KCP: variants seen among roughly 807,000 people sequenced by gnomAD.
KCP encodes kielin cysteine rich BMP regulator, also known as kielin/chordin-like protein.
A neutral mutation model predicts 212.7 loss-of-function variants in KCP; 194 were observed. That is an observed-to-expected ratio of 0.91 (90% CI 0.81 to 1.03). The LOEUF (loss-of-function observed/expected upper bound fraction) is 1.03, where lower values mean the gene tolerates loss of function less well. Ranked by LOEUF, KCP falls within the 50% of genes least tolerant of loss-of-function variation. The probability of loss-of-function intolerance (pLI) is 0.00; values close to 1 mark genes in which losing one functional copy is unlikely to be tolerated. For missense variants in KCP, 2,080 were observed against 2,162.5 expected, an observed-to-expected ratio of 0.96 and a Z score of 0.76; for synonymous variants, 833 against 865.3, an observed-to-expected ratio of 0.96 and a Z score of 0.65.
chr7:128,904,647 C>A (rs1411068134), intron 5 of KCP, among the ~76,000 whole-genome samples: 1 of 152,224 alleles, frequency 6.6e-6, no homozygotes, highest in Non-Finnish European at 1.5e-5. Flanking sequence ...CTTTACCTGG[C>A]AGGTGCAGAT....
At chr7:128,885,776 G>A (rs1793612884) in intron 26 of KCP, among the ~76,000 whole-genome samples, 1 of 152,158 alleles carries the variant, frequency 6.6e-6, no homozygotes, top group Non-Finnish European at 1.5e-5. Context: ...GGACGAGGGG[G>A]CAGTGGGCAG....
chr7:128,891,883 T>C, intron 16 of KCP, 64 bp from the exon 17 acceptor site: 1 of 1,259,122 alleles, frequency 7.9e-7, no homozygotes, highest in Non-Finnish European at 1.1e-6. Context: ...AGCCCTGGAG[T>C]CCAGAGCCGC....
chr7:128,908,208 A>G (rs1795228781), intron 2 of KCP, among the ~76,000 whole-genome samples: 1 of 143,732 alleles, frequency 7.0e-6, no homozygotes, highest in Non-Finnish European at 1.5e-5. Context: ...AAAGAAAAAA[A>G]AAGAAAGGAA....
chr7:128,903,743 G>A lies in KCP; in HGVS notation c.732C>T (p.Cys244=), dbSNP rs564974581. Residue 244 remains cysteine, a synonymous_variant, in exon 7 of 40, where the codon TGC becomes TGT. Coordinates refer to ENST00000610776, the MANE Select transcript of KCP (RefSeq NM_001366122.1). ...GGCTCTCACCTTGGCAGGTTGGGCA[G>A]CAGTGCCCAGGCCTCAGCACTGGCT... ...CPEPVLRPGH[C]CPTCQGCTEG... is the part of the protein sequence containing the mutation. 392 of 1,550,356 alleles carry A rather than the reference G, an allele frequency of 2.5e-4. No individual in the cohort carries two copies. In the African/African-American group the frequency reaches 4.9e-3, roughly 19 times the overall value.
chr7:128,886,691 C>T lies in KCP; in HGVS notation c.2736G>A (p.Glu912=), dbSNP rs1793666835. ...ACCACTCACAGCTGCCTGCTGGTCC[C>T]TCAAACTCCTCCCCATCCTGGTGCT... ...GREHQDGEEF[E]GPAGSCEWCR... is the part of the protein sequence containing the mutation. Residue 912 remains glutamate (E), a synonymous_variant, in exon 25 of 40, where the codon GAG becomes GAA. Transcript: ENST00000610776. 1.3e-6 allele frequency: 2 copies of T among 1,551,558 alleles called. No individual in the cohort carries two copies. Among genetic ancestry groups the T allele is most frequent in the Non-Finnish European group, 1.7e-6 (2 of 1,146,958 alleles).
chr7:128,894,212 G>A lies in KCP; in HGVS notation c.913C>T (p.Pro305Ser), dbSNP rs894564573. ...PARPLPGTCC[P>S]VCDGCFLNGR... is the part of the protein sequence containing the mutation. Reference sequence around the variant, plus strand: ...CCCACTGACTCACCATCACACACAGGGCAGCAGGTGCCTGGGAGGGGCCGG... The same window carrying A: ...CCCACTGACTCACCATCACACACAGAGCAGCAGGTGCCTGGGAGGGGCCGG... The change falls in exon 9 of 40, where the codon CCT becomes TCT. Residue 305 changes from proline (P) to serine (S), a missense_variant. Coordinates refer to ENST00000610776, the MANE Select transcript of KCP (RefSeq NM_001366122.1). 4 of 1,534,926 alleles carry A rather than the reference G, an allele frequency of 2.6e-6. No homozygotes were observed. Among genetic ancestry groups the A allele is most frequent in the Non-Finnish European group, 1.8e-6 (2 of 1,136,464 alleles).
chr7:128,904,499 T>C, intron 5 of KCP: 1 of 780,326 alleles, frequency 1.3e-6, no homozygotes, highest in Non-Finnish European at 2.1e-6. Context: ...AGAGCTGGCT[T>C]ACTCTGCAGG....
chr7:128,891,496 C>A lies in KCP; in HGVS notation c.1833G>T (p.Ala611=). Residue 611 remains alanine, a synonymous_variant, in exon 18 of 40, where the codon GCG becomes GCT. Transcript: ENST00000610776. ...AFGGKEYPSG[A]DFPHPSDPCR... ...AGGGGTCAGAGGGGTGGGGGAAGTCCGCTCCGCTGGGGTACTCTTTCCCGC... is the reference window on the plus strand; with the variant it reads ...AGGGGTCAGAGGGGTGGGGGAAGTCAGCTCCGCTGGGGTACTCTTTCCCGC... 6.5e-7 allele frequency: 1 copy of A among 1,549,436 alleles called. No individual in the cohort carries two copies. The highest frequency in any genetic ancestry group is 8.7e-7 in the Non-Finnish European group (1 of 1,146,088).
Position 128,891,817 on chromosome 7 carries a change from A to G in KCP, c.1624T>C (p.Cys542Arg). ...ACAAACACCTCTTCCTCCAGGATGC[A>G]GTCTGGGCAGTGGATGGTGGGGGCA... ...PGQCCPRCPDCILEEEVFVDG... is the reference protein window; with the variant it reads ...PGQCCPRCPDRILEEEVFVDG... Residue 542 changes from cysteine to arginine, a missense_variant and splice_region_variant, in exon 17 of 40, where the codon TGC (cysteine) becomes CGC (arginine). By Grantham distance (180) the Cys-to-Arg change is radical (BLOSUM62 -3). Coordinates refer to ENST00000610776, the MANE Select transcript of KCP (RefSeq NM_001366122.1). 6 of 1,444,906 alleles carry G rather than the reference A, an allele frequency of 4.2e-6. No individual in the cohort carries two copies. Among genetic ancestry groups the G allele is most frequent in the African/African-American group, 1.4e-5 (1 of 69,350 alleles). The allele number at this position is 1,444,906 out of a possible 1,614,324, so 89.5% of individuals were successfully genotyped here.
rs1362104394 is a variant in KCP at position 128,891,639 on chromosome 7, A to C, written c.1795+7T>G. 3 of 1,472,726 alleles carry C rather than the reference A, an allele frequency of 2.0e-6. No homozygotes were observed. The highest frequency in any genetic ancestry group is 2.4e-5 in the Admixed American group (1 of 41,132). 91.2% of individuals were successfully genotyped at this position (1,472,726 alleles called of 1,614,324 possible). A position where few individuals can be genotyped will look rare whatever the true frequency, so the allele number is the denominator to read the frequency against. On this transcript the variant is annotated splice_region_variant and intron_variant, in intron 17 of 39. Coordinates refer to ENST00000610776, the MANE Select transcript of KCP (RefSeq NM_001366122.1). ...CCCAGAAGGCCGCCCTGACCCGCCC[A>C]CCTCACCGCTGCAGTCGTTCGGGCA... is the stretch of plus-strand genomic sequence containing the variant.
chr7:128,908,251 G>GAGAAAGA lies in KCP; in HGVS notation c.219+174_219+175insTCTTTCT, dbSNP rs1554420449. ...AGGAAAGAAGAAAGGAAGAAAGAAA[G>GAGAAAGA]AAGAAAGAAAGAAAGAAAGAAAGAA... is the stretch of plus-strand genomic sequence containing the variant. On this transcript the variant is annotated intron_variant, in intron 2 of 39. Coordinates refer to ENST00000610776, the MANE Select transcript of KCP (RefSeq NM_001366122.1). Among the ~76,000 whole-genome samples, 757 of 101,276 alleles carry GAGAAAGA rather than the reference G, an allele frequency of 7.5e-3. 29 individuals are homozygous for GAGAAAGA. Among genetic ancestry groups the GAGAAAGA allele is most frequent in the African/African-American group, 0.024 (629 of 25,844 alleles). The allele number at this position is 101,276 out of a possible 152,430, so 66.4% of individuals were successfully genotyped here. A position where few individuals can be genotyped will look rare whatever the true frequency, so the allele number is the denominator to read the frequency against.
chr7:128,900,816 A>G (rs1365280619), intron 8 of KCP, among the ~76,000 whole-genome samples: 1 of 152,184 alleles, frequency 6.6e-6, no homozygotes, highest in Admixed American at 6.5e-5. Flanking sequence ...AGAAATTACA[A>G]AAGATGGATT....
rs1041052120 is a variant in KCP at position 128,877,689 on chromosome 7, C to G, written c.4413G>C (p.Arg1471=). The G allele has an allele frequency of 5.2e-6, 8 of 1,551,226 alleles. No homozygotes were observed. The highest frequency in any genetic ancestry group is 7.0e-6 in the Non-Finnish European group (8 of 1,146,978). Residue 1471 remains arginine (R), a synonymous_variant, in exon 39 of 40, where the codon CGG becomes CGC. Coordinates refer to ENST00000610776, the MANE Select transcript of KCP (RefSeq NM_001366122.1). ...ATGGGGAGGACTTCAGCACCCCACACCGGGCATTGGCCTCACGCCTGGCAC... is the reference window on the plus strand; with the variant it reads ...ATGGGGAGGACTTCAGCACCCCACAGCGGGCATTGGCCTCACGCCTGGCAC... ...GYRARREANA[R]CGVLKSSPFS...
In KCP at chr7:128,910,669, C is replaced by T. The variant is rs748532995; in HGVS notation, c.8G>A (p.Gly3Glu). The change falls in exon 1 of 40, where the codon GGG becomes GAG. Residue 3 changes from glycine (G) to glutamate (E), a missense_variant. Physicochemically the swap from Gly to Glu is moderately conservative, Grantham distance 98. Coordinates refer to ENST00000610776, the MANE Select transcript of KCP (RefSeq NM_001366122.1). ...AAGGGACAGCGCAGCGGCCCCGACC[C>T]CGGCCATGCTAGCTCCGCCTCGCTC... MA[G>E]VGAAALSLLL... 1.3e-6 allele frequency: 2 copies of T among 1,506,112 alleles called. No homozygotes were observed. Among genetic ancestry groups the T allele is most frequent in the Non-Finnish European group, 1.8e-6 (2 of 1,134,562 alleles). The allele number at this position is 1,506,112 out of a possible 1,614,324, so 93.3% of individuals were successfully genotyped here.
intron 8 of KCP, among the ~76,000 whole-genome samples, chr7:128,895,471 G>A (rs1195116599): frequency 6.6e-6 from 1 of 152,222 alleles, no homozygotes; most frequent in Non-Finnish European, 1.5e-5. Context: ...ATCAGGGTCT[G>A]AGCAGCCAAT....
chr7:128,893,221 C>T lies in KCP; in HGVS notation c.1267+17G>A, dbSNP rs1794288563. The T allele has an allele frequency of 3.9e-6, 6 of 1,549,888 alleles. No homozygotes were observed. The highest frequency in any genetic ancestry group is 2.4e-5 in the East Asian group (1 of 40,922). On this transcript the variant is annotated intron_variant, in intron 13 of 39. Transcript: ENST00000610776. ...GGCAGCGCCCATAGCAGCTGCTCCT[C>T]CCCCTCTCACACACACCTGGGCAGA...
chr7:128,894,365 C>T, intron 8 of KCP, 72 bp from the exon 9 acceptor site: 1 of 1,184,598 alleles, frequency 8.4e-7, no homozygotes, highest in Non-Finnish European at 1.2e-6. Flanking sequence ...ATTAGAATCC[C>T]AGCTATCCAC....
rs1794994113 is a variant in KCP, at chr7:128,903,994, C to G, written c.654+62G>C. Reference sequence around the variant, plus strand: ...GGGCTGGAGGAGTGGCAGGCAGGGCCCAGGGCAGGGCAGGTGTCCAGGGAG... The same window carrying G: ...GGGCTGGAGGAGTGGCAGGCAGGGCGCAGGGCAGGGCAGGTGTCCAGGGAG... On this transcript the variant is annotated intron_variant, in intron 6 of 39. Transcript: ENST00000610776. 4.1e-6 allele frequency: 6 copies of G among 1,478,656 alleles called. No individual in the cohort carries two copies. In the South Asian group the frequency reaches 7.3e-5, roughly 18 times the overall value. The allele number at this position is 1,478,656 out of a possible 1,614,324, so 91.6% of individuals were successfully genotyped here.
chr7:128,892,643 G>A, intron 15 of KCP, 36 bp from the exon 16 acceptor site: 2 of 1,550,916 alleles, frequency 1.3e-6, no homozygotes, highest in Non-Finnish European at 1.7e-6. Context: ...ATCGGGGCAT[G>A]CCCAGGAGGG....
Sources: gnomAD v4.1 joint callset for allele counts (sites outside exome capture counted in the v4.1 genomes callset) on GRCh38, gnomAD v4.1.1 for gene constraint, MANE v1.5 for transcripts, NCBI Gene and HGNC (gene_info 2026-07-23, HGNC 2026-07-21) for gene names.